The following PTPRD variants were observed in gnomAD, a reference collection of about 807,000 sequenced individuals.
PTPRD encodes the protein receptor-type tyrosine-protein phosphatase delta.
Under a neutral mutation model 214.5 loss-of-function variants are expected in PTPRD, and 34 were observed. The observed-to-expected ratio is 0.16, with a 90% CI of 0.12 to 0.21. PTPRD has a LOEUF of 0.21. Ranked by LOEUF, PTPRD falls within the 10% of genes least tolerant of loss-of-function variation. PTPRD has a pLI of 1.00. For synonymous variants in PTPRD, 1,128 were observed against 845.7 expected (o/e 1.33, Z -5.79); for missense variants, 2,545 against 2,398.7 (o/e 1.06, Z -1.27).
intron 4 of PTPRD, among the ~76,000 whole-genome samples, chr9:9,979,281 C>T (rs906167249): frequency 4.4e-4 from 67 of 151,800 alleles, no homozygotes; most frequent in African/African-American, 1.5e-3. Context: ...ATGATTATGG[C>T]AATATTTTAA....
intron 4 of PTPRD, among the ~76,000 whole-genome samples, chr9:10,032,609 T>C (rs982230106): frequency 2.6e-5 from 4 of 152,166 alleles, no homozygotes; most frequent in Non-Finnish European, 5.9e-5. Flanking sequence ...TATGTATAAA[T>C]GTAAAAACAC....
intron 9 of PTPRD, among the ~76,000 whole-genome samples, chr9:9,345,349 T>A (rs1298092778): frequency 1.3e-5 from 2 of 152,056 alleles, no homozygotes; most frequent in Non-Finnish European, 2.9e-5. Flanking sequence ...GCAGTAGGTT[T>A]TTGTTAAAGT....
intron 2 of PTPRD, among the ~76,000 whole-genome samples, chr9:10,463,088 G>A (rs991441766): frequency 2.0e-5 from 3 of 151,454 alleles, no homozygotes; most frequent in Non-Finnish European, 4.4e-5. Context: ...AAATTTTGAT[G>A]ATGTATGTAA....
At chr9:9,844,970 G>C (rs1264940136) in intron 5 of PTPRD, among the ~76,000 whole-genome samples, 2 of 149,380 alleles carry the variant, frequency 1.3e-5, no homozygotes, top group African/African-American at 4.9e-5. Context: ...CTATATGCAA[G>C]TTACCAACTT....
chr9:9,487,523 A>C (rs564997263), intron 8 of PTPRD, among the ~76,000 whole-genome samples: 2 of 152,202 alleles, frequency 1.3e-5, no homozygotes, highest in East Asian at 3.9e-4. Flanking sequence ...ATAAACATAC[A>C]TGTGCATGTG....
intron 14 of PTPRD, among the ~76,000 whole-genome samples, chr9:8,531,750 G>T (rs555063798): frequency 6.6e-6 from 1 of 152,094 alleles, no homozygotes; most frequent in Non-Finnish European, 1.5e-5. Context: ...TCTCTCGGAA[G>T]AACTGAGCCA....
chr9:8,346,248 G>A (rs906152032), intron 39 of PTPRD, among the ~76,000 whole-genome samples: 1 of 152,006 alleles, frequency 6.6e-6, no homozygotes, highest in African/African-American at 2.4e-5. Flanking sequence ...TGGTGTGCTA[G>A]AGCTAGCAAA....
chr9:9,247,047 G>A (rs1007942148), intron 9 of PTPRD, among the ~76,000 whole-genome samples: 1 of 151,902 alleles, frequency 6.6e-6, no homozygotes, highest in Non-Finnish European at 1.5e-5. Flanking sequence ...ATAAGTCATA[G>A]AAACTAAAAT....
At chr9:9,909,578 G>A (rs1212544053) in intron 5 of PTPRD, among the ~76,000 whole-genome samples, 1 of 151,870 alleles carries the variant, frequency 6.6e-6, no homozygotes, top group African/African-American at 2.4e-5. Flanking sequence ...AGACATCACT[G>A]TAAAATGTAT....
intron 9 of PTPRD, among the ~76,000 whole-genome samples, chr9:9,278,551 G>C (rs368317692): frequency 1.3e-5 from 2 of 151,312 alleles, no homozygotes; most frequent in South Asian, 4.2e-4. Context: ...TGAGGGATTT[G>C]GGAAAAGTTA....
chr9:10,165,032 T>A (rs966301271), intron 3 of PTPRD, among the ~76,000 whole-genome samples: 9 of 151,636 alleles, frequency 5.9e-5, no homozygotes, highest in Non-Finnish European at 1.2e-4. Context: ...ATGGCCTGAA[T>A]CACATGTTTA....
At chr9:9,076,465 C>A (rs1303890194) in intron 10 of PTPRD, among the ~76,000 whole-genome samples, 1 of 151,956 alleles carries the variant, frequency 6.6e-6, no homozygotes, top group Non-Finnish European at 1.5e-5. Context: ...TCCTCCCAGC[C>A]TCTGGTAAGT....
chr9:8,944,761 T>TG (rs2099053608), intron 11 of PTPRD, among the ~76,000 whole-genome samples: 1 of 151,948 alleles, frequency 6.6e-6, no homozygotes. Context: ...ATAGTGGGGT[T>TG]GGGGTGAAAT....
chr9:9,812,786 T>C (rs1223206156), intron 5 of PTPRD, among the ~76,000 whole-genome samples: 8 of 152,176 alleles, frequency 5.3e-5, no homozygotes, highest in Admixed American at 3.3e-4. Flanking sequence ...AAATGGACCT[T>C]GGAGACATAT....
At position 9,887,526 on chromosome 9, in the gene PTPRD, C is replaced by T. The variant is rs193225926; in HGVS notation, c.-368+50981G>A. Among the ~76,000 whole-genome samples the T allele has an allele frequency of 7.6e-4, 116 of 152,190 alleles. 1 individual carries two copies. The highest frequency in any genetic ancestry group is 2.6e-3 in the African/African-American group (108 of 41,528). On this transcript the variant is annotated intron_variant, in intron 5 of 45. Coordinates refer to ENST00000381196, the MANE Select transcript of PTPRD (RefSeq NM_002839.4). Reference sequence around the variant, plus strand: ...AAGCAGCTGATCTTATGGTAAAGCCCATCATCAAGGGGCAGAACAACATTA... The same window carrying T: ...AAGCAGCTGATCTTATGGTAAAGCCTATCATCAAGGGGCAGAACAACATTA...
chr9:9,740,361 A>ATTTTTTTTTTT lies in PTPRD; in HGVS notation c.-325-5801_-325-5791dup, dbSNP rs35876773. On this transcript the variant is annotated intron_variant, in intron 6 of 45. Transcript: ENST00000381196. ...GTTCCATTTTATCTCTAAAACTACT[A>ATTTTTTTTTTT]TTTTTTTTTTTTTGGAGATGGAGTC... Among the ~76,000 whole-genome samples the ATTTTTTTTTTT allele has an allele frequency of 6.4e-3, 923 of 145,352 alleles. 8 individuals carry two copies. The highest frequency in any genetic ancestry group is 0.022 in the African/African-American group (847 of 39,174).
chr9:8,973,275 C>A (rs574178216), intron 11 of PTPRD, among the ~76,000 whole-genome samples: 1 of 152,000 alleles, frequency 6.6e-6, no homozygotes, highest in South Asian at 2.1e-4. Flanking sequence ...TGTCCCTGCG[C>A]GCTCAATGTT....
intron 9 of PTPRD, among the ~76,000 whole-genome samples, chr9:9,310,629 CAT>C (rs924830538): frequency 3.3e-5 from 5 of 152,084 alleles, no homozygotes; most frequent in African/African-American, 1.2e-4. Context: ...GATAATCTCA[CAT>C]TCTGGGCCAG....
chr9:9,289,760 G>A (rs4097905), intron 9 of PTPRD, among the ~76,000 whole-genome samples: 22 of 151,636 alleles, frequency 1.5e-4, no homozygotes, highest in Admixed American at 1.3e-3. Flanking sequence ...CGTCTCACAG[G>A]TTCAACCATA....
Sources: allele counts gnomAD v4.1 joint callset (sites outside exome capture counted in the v4.1 genomes callset), GRCh38; gene constraint gnomAD v4.1.1; transcripts MANE v1.5; gene names NCBI Gene and HGNC (gene_info 2026-07-23, HGNC 2026-07-21).